CSPP1: variants seen among roughly 807,000 people sequenced by gnomAD.
The protein encoded by CSPP1 is centrosome and spindle pole-associated protein 1.
A neutral mutation model predicts 164.4 loss-of-function variants in CSPP1; 126 were observed. The observed-to-expected ratio is 0.77, with a 90% CI of 0.66 to 0.89. The LOEUF (loss-of-function observed/expected upper bound fraction) is 0.89. Ranked by LOEUF, CSPP1 falls within the 40% of genes least tolerant of loss-of-function variation. The probability of loss-of-function intolerance (pLI) is 0.00; values close to 1 mark genes in which losing one functional copy is unlikely to be tolerated. For missense variants in CSPP1, 1,395 were observed against 1,449.8 expected (o/e 0.96, Z 0.61); for synonymous variants, 472 against 476.7 (o/e 0.99, Z 0.13).
chr8:67,176,246 A>G (rs151327145), intron 26 of CSPP1, among the ~76,000 whole-genome samples: 168 of 152,272 alleles, frequency 1.1e-3, no homozygotes, highest in African/African-American at 3.9e-3. Flanking sequence ...TGAAAACCCA[A>G]CAATCAGATA....
rs560834379 is a variant in CSPP1 at position 67,196,560 on chromosome 8, C to T, written c.*967C>T. ...ATAATACTTCCTCTGATGTAATTAA[C>T]GGTTGGTAGACAATATCAGACAAAT... On this transcript the variant is annotated 3_prime_UTR_variant, in exon 31 of 31. Coordinates refer to ENST00000678616, the MANE Select transcript of CSPP1 (RefSeq NM_001382391.1). 7.2e-5 allele frequency among the ~76,000 whole-genome samples: 11 copies of T among 152,278 alleles called. No individual in the cohort carries two copies. In the East Asian group the frequency reaches 1.9e-3, roughly 27 times the overall value.
At chr8:67,083,572 T>C (rs1264349019) in intron 3 of CSPP1, 2 of 143,950 alleles carry the variant, frequency 1.4e-5, no homozygotes, top group African/African-American at 5.1e-5. Flanking sequence ...TATATATATA[T>C]ATGTATATAT....
In CSPP1 at chr8:67,149,836, G is replaced by A; in HGVS notation, c.2029G>A (p.Ala677Thr). ...QNIDAYHNPD[A>T]RTYEDKRAVV... ...TATAGATGCCTACCATAACCCAGAT[G>A]CAAGAACATATGAAGATAAAAGGGC... The change falls in exon 18 of 31, where the codon GCA becomes ACA. Residue 677 changes from alanine to threonine, a missense_variant. Ala to Thr is a moderately conservative substitution (Grantham distance 58). Coordinates refer to ENST00000678616, the MANE Select transcript of CSPP1 (RefSeq NM_001382391.1). 1 of 1,605,614 alleles carries A rather than the reference G, an allele frequency of 6.2e-7. No individual in the cohort carries two copies. The highest frequency in any genetic ancestry group is 1.7e-5 in the Admixed American group (1 of 58,814).
chr8:67,123,242 C>T (rs1378011027), intron 15 of CSPP1: 1 of 152,114 alleles, frequency 6.6e-6, no homozygotes, highest in African/African-American at 2.4e-5. Flanking sequence ...TCAATTCTGT[C>T]AGTTTTTGTT....
At chr8:67,090,781 A>C (rs73693110) in intron 4 of CSPP1, among the ~76,000 whole-genome samples, 12,577 of 152,250 alleles carry the variant, frequency 0.083, 1,055 homozygotes, top group African/African-American at 0.22. Flanking sequence ...TAGTACCTGC[A>C]TAGTATTAGA....
chr8:67,094,046 GGAGGCAGAGGTTGCAGT>G (rs1379475562), intron 6 of CSPP1, among the ~76,000 whole-genome samples: 1 of 143,812 alleles, frequency 7.0e-6, no homozygotes, highest in East Asian at 2.2e-4. Context: ...CTTGAACCTG[GGAGGCAGAGGTTGCAGT>G]GAGCCAAGAT....
Position 67,172,412 on chromosome 8 carries a change from A to G in CSPP1, c.2829-4A>G, listed in dbSNP as rs752142812. 9 of 1,608,088 alleles carry G rather than the reference A, an allele frequency of 5.6e-6. No homozygotes were observed. The Admixed American group carries it at 6.7e-5, about 12-fold the overall frequency. On this transcript the variant is annotated splice_polypyrimidine_tract_variant and splice_region_variant and intron_variant, in intron 24 of 30. Transcript: ENST00000678616. ...ACATATTATGATTTGTCATTTATCT[A>G]TAGGAAAAAGGAAAGGAATCCCATG...
intron 1 of CSPP1, among the ~76,000 whole-genome samples, chr8:67,071,040 A>G (rs531151551): frequency 2.0e-5 from 3 of 152,192 alleles, no homozygotes; most frequent in Non-Finnish European, 4.4e-5. Context: ...AGTGTGAGCC[A>G]CCAAGCCCAG....
chr8:67,086,913 A>G, intron 4 of CSPP1: 1 of 874,518 alleles, frequency 1.1e-6, no homozygotes, highest in Non-Finnish European at 1.6e-6. Flanking sequence ...TACGATCTAG[A>G]AGGTTGCAAT....
At chr8:67,160,076 C>A (rs1215305441) in intron 21 of CSPP1, among the ~76,000 whole-genome samples, 2 of 135,880 alleles carry the variant, frequency 1.5e-5, no homozygotes, top group Non-Finnish European at 3.1e-5. Context: ...GAGACCAGGT[C>A]TTGCTATGTT....
chr8:67,111,954 T>C lies in CSPP1; in HGVS notation c.1094-18T>C, dbSNP rs1169932884. 2 of 1,504,644 alleles carry C rather than the reference T, an allele frequency of 1.3e-6. No individual in the cohort carries two copies. Among genetic ancestry groups the C allele is most frequent in the Non-Finnish European group, 1.8e-6 (2 of 1,090,476 alleles). 93.2% of individuals were successfully genotyped at this position (1,504,644 alleles called of 1,614,324 possible). ...TGCTTAAGAGTTAAGATTGTATTTT[T>C]CTCATACCACTATCTAGGAGGTGAA... On this transcript the variant is annotated intron_variant, in intron 9 of 30. Coordinates refer to ENST00000678616, the MANE Select transcript of CSPP1 (RefSeq NM_001382391.1).
At chr8:67,143,938 T>C (rs534433627) in intron 17 of CSPP1, among the ~76,000 whole-genome samples, 1 of 152,334 alleles carries the variant, frequency 6.6e-6, no homozygotes, top group South Asian at 2.1e-4. Flanking sequence ...CTTCTATTTA[T>C]TTTAATTGCC....
chr8:67,193,435 C>A (rs1361699448), intron 29 of CSPP1, 29 bp from the exon 30 acceptor site: 1 of 1,598,808 alleles, frequency 6.3e-7, no homozygotes, highest in Non-Finnish European at 8.6e-7. Context: ...GTGTTAATGA[C>A]TTTCTGAAGT....
At chr8:67,184,056 T>C (rs1833742847) in intron 28 of CSPP1, among the ~76,000 whole-genome samples, 1 of 152,122 alleles carries the variant, frequency 6.6e-6, no homozygotes, top group Non-Finnish European at 1.5e-5. Flanking sequence ...TTTCACCGTG[T>C]TGGCCAGGCT....
At chr8:67,121,009 A>G (rs946079241) in intron 15 of CSPP1, among the ~76,000 whole-genome samples, 7 of 151,866 alleles carry the variant, frequency 4.6e-5, no homozygotes, top group Admixed American at 3.3e-4. Context: ...GTGCACCACT[A>G]TGCCCGGCTA....
rs1356075938 is a variant in CSPP1, at chr8:67,095,790, T to TAGCAAA, written c.923+58_923+59insAGCAAA. ...TAATATAGCAAATTAATTGTTAATA[T>TAGCAAA]TTGCTGTTGTTACTTTTTATCATTA... On this transcript the variant is annotated intron_variant, in intron 7 of 30. Coordinates refer to ENST00000678616, the MANE Select transcript of CSPP1 (RefSeq NM_001382391.1). 3.8e-4 allele frequency: 387 copies of TAGCAAA among 1,027,894 alleles called. 1 individual carries two copies. The African/African-American group carries it at 5.6e-3, about 15-fold the overall frequency. 63.7% of individuals were successfully genotyped at this position (1,027,894 alleles called of 1,614,324 possible).
rs139147105 is a variant in CSPP1, at chr8:67,172,818, G to A, written c.2968+263G>A. The A allele has an allele frequency of 1.2e-3, 321 of 276,514 alleles. 5 individuals carry two copies. Among genetic ancestry groups the A allele is most frequent in the African/African-American group, 6.6e-3 (305 of 45,944 alleles). The allele number at this position is 276,514 out of a possible 1,614,324, so 17.1% of individuals were successfully genotyped here. On this transcript the variant is annotated intron_variant, in intron 25 of 30. Transcript: ENST00000678616. ...TGGATGAGATCGCATAGACTAGTAC[G>A]AAGAATGGAACTTGGCATTTAATGG... is the stretch of plus-strand genomic sequence containing the variant.
At chr8:67,185,140 CAAAA>C (rs1011572892) in intron 28 of CSPP1, among the ~76,000 whole-genome samples, 3 of 149,680 alleles carry the variant, frequency 2.0e-5, no homozygotes, top group East Asian at 1.9e-4. Flanking sequence ...AACAAACAAA[CAAAA>C]AACACAACAT....
intron 29 of CSPP1, 124 bp downstream of exon 29, chr8:67,190,883 T>G (rs1836040415): frequency 1.4e-6 from 1 of 696,826 alleles, no homozygotes; most frequent in Non-Finnish European, 2.5e-6. Context: ...TGGGTCTGAA[T>G]CTAGGCTCTG....
Sources: allele counts gnomAD v4.1 joint callset (sites outside exome capture counted in the v4.1 genomes callset), GRCh38; gene constraint gnomAD v4.1.1; transcripts MANE v1.5; gene names NCBI Gene and HGNC (gene_info 2026-07-23, HGNC 2026-07-21).